The following SVIL variants were observed in gnomAD, a reference collection of about 807,000 sequenced individuals.
The protein encoded by SVIL is archvillin.
In SVIL, 101 loss-of-function variants were observed where a neutral mutation model predicts 240.4. That is an observed-to-expected ratio of 0.42 (90% CI 0.36 to 0.50). The LOEUF is 0.50. SVIL is among the 20% of genes least tolerant of loss of function. SVIL has a pLI of 0.01. For missense variants in SVIL, 2,512 were observed against 2,818.7 expected (o/e 0.89, Z 2.46); for synonymous variants, 999 against 1,100.0 (o/e 0.91, Z 1.82).
intron 36 of SVIL, among the ~76,000 whole-genome samples, chr10:29,460,535 C>T (rs1477060170): frequency 6.6e-6 from 1 of 152,166 alleles, no homozygotes; most frequent in Non-Finnish European, 1.5e-5. Context: ...TCGAAATTAA[C>T]TCTCCTAGTC....
chr10:29,472,099 A>AC (rs1278136562), intron 30 of SVIL, among the ~76,000 whole-genome samples: 1 of 152,088 alleles, frequency 6.6e-6, no homozygotes, highest in Non-Finnish European at 1.5e-5. Context: ...ACAGAGTGAG[A>AC]CCCCTGTCTC....
chr10:29,534,832 T>G (rs1951628102), intron 7 of SVIL, among the ~76,000 whole-genome samples: 2 of 152,194 alleles, frequency 1.3e-5, no homozygotes, highest in African/African-American at 2.4e-5. Context: ...AAAGAGTAAA[T>G]GTTTAATAGT....
chr10:29,710,773 C>T (rs1480462984), intron 1 of SVIL, among the ~76,000 whole-genome samples: 3 of 152,040 alleles, frequency 2.0e-5, no homozygotes, highest in Admixed American at 2.0e-4. Context: ...TTTTCAAACA[C>T]GTAAGACTCA....
At position 29,551,155 on chromosome 10, in the gene SVIL, G is replaced by A. The variant is rs769988915; in HGVS notation, c.269C>T (p.Ser90Leu). The A allele has an allele frequency of 8.7e-6, 14 of 1,613,994 alleles. No individual in the cohort carries two copies. In the African/African-American group the frequency reaches 9.3e-5, roughly 11 times the overall value. The change falls in exon 6 of 38, where the codon TCG becomes TTG. Residue 90 changes from serine to leucine, a missense_variant. Ser to Leu is a moderately radical substitution (Grantham distance 145). Coordinates refer to ENST00000355867, the MANE Select transcript of SVIL (RefSeq NM_021738.3). ...SGVHGDSPYG[S>L]GTMDTHSLES... The stretch of plus-strand genomic sequence containing the variant: ...CAGACTGTGGGTGTCCATGGTACCC[G>A]AACCATAGGGTGAGTCACCGTGGAC...
chr10:29,577,205 T>A (rs2132750558), intron 1 of SVIL, among the ~76,000 whole-genome samples: 1 of 152,208 alleles, frequency 6.6e-6, no homozygotes. Context: ...ATTTTAATAG[T>A]TTTTTGGGTA....
At chr10:29,663,497 C>G (rs1304462686) in intron 2 of SVIL, among the ~76,000 whole-genome samples, 1 of 152,082 alleles carries the variant, frequency 6.6e-6, no homozygotes, top group Admixed American at 6.5e-5. Flanking sequence ...CATGGAATTA[C>G]AGGTGTGCAC....
At chr10:29,621,813 A>C (rs1957653839) in intron 1 of SVIL, among the ~76,000 whole-genome samples, 1 of 151,834 alleles carries the variant, frequency 6.6e-6, no homozygotes. Flanking sequence ...ATTTATGAGG[A>C]AAAGCTAAAT....
intron 3 of SVIL, among the ~76,000 whole-genome samples, chr10:29,641,504 G>T (rs908056465): frequency 6.6e-6 from 1 of 152,038 alleles, no homozygotes; most frequent in Admixed American, 6.6e-5. Context: ...GGAAGCAGAG[G>T]TTTCAATGAG....
chr10:29,552,358 T>C (rs1589226766), intron 5 of SVIL, among the ~76,000 whole-genome samples: 1 of 151,400 alleles, frequency 6.6e-6, no homozygotes, highest in Non-Finnish European at 1.5e-5. Flanking sequence ...AGGTCAGGAG[T>C]TCGAGACCAG....
Position 29,471,162 on chromosome 10 carries a change from C to G in SVIL, c.5611G>C (p.Glu1871Gln). Residue 1871 changes from glutamate (E) to glutamine (Q), a missense_variant, in exon 31 of 38, where the codon GAA (glutamate) becomes CAA (glutamine). Coordinates refer to ENST00000355867, the MANE Select transcript of SVIL (RefSeq NM_021738.3). ...CTTTGCACATTTTCTTCTTCCTCTT[C>G]CCGCCTCCCCGAGTGCACCACCATC... ...GGMVVHSGRR[E>Q]EEEENVQSEW... 6.2e-7 allele frequency: 1 copy of G among 1,613,844 alleles called. No individual in the cohort carries two copies. Among genetic ancestry groups the G allele is most frequent in the African/African-American group, 1.3e-5 (1 of 75,022 alleles).
At chr10:29,674,353 T>C (rs556267188) in intron 2 of SVIL, among the ~76,000 whole-genome samples, 2 of 152,062 alleles carry the variant, frequency 1.3e-5, no homozygotes, top group East Asian at 3.9e-4. Flanking sequence ...GGGTGTTTCT[T>C]AGGGTTTTTC....
intron 2 of SVIL, among the ~76,000 whole-genome samples, chr10:29,685,834 G>A (rs967269550): frequency 2.6e-5 from 4 of 152,148 alleles, no homozygotes; most frequent in South Asian, 2.1e-4. Flanking sequence ...TTCAGGTTTT[G>A]TTGGGTCCCT....
chr10:29,694,555 G>C (rs1254728162), intron 1 of SVIL, among the ~76,000 whole-genome samples: 1 of 152,086 alleles, frequency 6.6e-6, no homozygotes, highest in African/African-American at 2.4e-5. Flanking sequence ...CACCTCCCGG[G>C]TTCAAGTGAT....
chr10:29,485,431 A>G (rs1947303480), intron 26 of SVIL, among the ~76,000 whole-genome samples: 1 of 152,224 alleles, frequency 6.6e-6, no homozygotes, highest in Admixed American at 6.5e-5. Context: ...ACTTCCAGCA[A>G]TTCAAATTTT....
chr10:29,523,979 C>T lies in SVIL; in HGVS notation c.2635G>A (p.Val879Met). 6.2e-7 allele frequency: 1 copy of T among 1,614,206 alleles called. No individual in the cohort carries two copies. Among genetic ancestry groups the T allele is most frequent in the East Asian group, 2.2e-5 (1 of 44,884 alleles). The change falls in exon 15 of 38, where the codon GTG becomes ATG. Residue 879 changes from valine (V) to methionine (M), a missense_variant. By Grantham distance (21) the Val-to-Met change is conservative. Transcript: ENST00000355867. ...IPFSPAVNTS[V>M]STVASTVAPM... ...GCAACCGTGGATGCTACGGTAGACA[C>T]TGATGTGTTCACGGCAGGTGAGAAA... is the stretch of plus-strand genomic sequence containing the variant.
intron 1 of SVIL, among the ~76,000 whole-genome samples, chr10:29,586,894 G>A (rs181924279): frequency 1.0e-3 from 154 of 152,250 alleles, no homozygotes; most frequent in Admixed American, 1.7e-3. Context: ...CCTTTCGCAG[G>A]GTGGAGGGTG....
chr10:29,578,807 C>T (rs1238693336), intron 1 of SVIL, among the ~76,000 whole-genome samples: 5 of 152,186 alleles, frequency 3.3e-5, no homozygotes, highest in Non-Finnish European at 7.3e-5. Context: ...ACTGAAATCA[C>T]TTCTATCCTT....
At position 29,550,666 on chromosome 10, in the gene SVIL, G is replaced by C. The variant is rs138266854; in HGVS notation, c.758C>G (p.Ser253Cys). 6.2e-7 allele frequency: 1 copy of C among 1,614,030 alleles called. No homozygotes were observed. Among genetic ancestry groups the C allele is most frequent in the South Asian group, 1.1e-5 (1 of 91,076 alleles). ...PRSPKHAHSS[S>C]LQQAASRSPS... is the part of the protein sequence containing the mutation. ...GCTCCGGGAGGCTGCCTGCTGCAGG[G>C]AGGAGCTGTGGGCGTGCTTGGGGGA... The change falls in exon 6 of 38, where the codon TCC (serine) becomes TGC (cysteine). Residue 253 changes from serine (S) to cysteine (C), a missense_variant. Physicochemically the swap from Ser to Cys is moderately radical, Grantham distance 112. Around this residue, in one of 3 missense-constraint regions of SVIL, gnomAD observed 1,443 missense variants for 1,486.6 expected, o/e 0.97. Coordinates refer to ENST00000355867, the MANE Select transcript of SVIL (RefSeq NM_021738.3).
chr10:29,462,184 G>C, intron 36 of SVIL, 93 bp downstream of exon 36: 1 of 1,443,886 alleles, frequency 6.9e-7, no homozygotes, highest in Non-Finnish European at 9.2e-7. Flanking sequence ...TTCCCACTCT[G>C]AAAGTGCAAT....
Sources: allele counts gnomAD v4.1 joint callset (sites outside exome capture counted in the v4.1 genomes callset), GRCh38; gene constraint gnomAD v4.1.1; regional missense constraint gnomAD v4.1.1; transcripts MANE v1.5; gene names NCBI Gene and HGNC (gene_info 2026-07-23, HGNC 2026-07-21).